CACNA1D: variants seen among roughly 807,000 people sequenced by gnomAD.
CACNA1D encodes voltage-dependent L-type calcium channel subunit alpha-1D.
In CACNA1D, 55 loss-of-function variants were observed where a neutral mutation model predicts 257.1. That is an observed-to-expected ratio of 0.21 (90% CI 0.17 to 0.27). The LOEUF is 0.27. Ranked by LOEUF, CACNA1D falls within the 10% of genes least tolerant of loss-of-function variation. The probability of loss-of-function intolerance (pLI) is 1.00; values close to 1 mark genes in which losing one functional copy is unlikely to be tolerated. For synonymous variants in CACNA1D, 980 were observed against 1,014.9 expected (o/e 0.97, Z 0.65); for missense variants, 1,876 against 2,784.0 (o/e 0.67, Z 7.34).
At position 53,775,940 on chromosome 3, in the gene CACNA1D, G is replaced by C. The variant is rs773003868; in HGVS notation, c.4257G>C (p.Lys1419Asn). The C allele has an allele frequency of 3.7e-6, 6 of 1,613,972 alleles. No homozygotes were observed. The highest frequency in any genetic ancestry group is 1.3e-5 in the African/African-American group (1 of 74,926). Residue 1419 changes from lysine (K) to asparagine (N), a missense_variant, in exon 35 of 48, where the codon AAG becomes AAC. Coordinates refer to ENST00000350061, the MANE Select transcript of CACNA1D (RefSeq NM_001128840.3). ...TCATGCTGGCCTGTCTCCCAGGGAA[G>C]CTCTGTGACCCTGAGTCAGATTACA... ...QEIMLACLPG[K>N]LCDPESDYNP...
chr3:53,620,214 G>A (rs1452256203), intron 3 of CACNA1D, among the ~76,000 whole-genome samples: 1 of 152,146 alleles, frequency 6.6e-6, no homozygotes, highest in Non-Finnish European at 1.5e-5. Context: ...GGAGGGGCCT[G>A]GAGGTGTGGG....
At chr3:53,645,802 T>C (rs2094012995) in intron 3 of CACNA1D, among the ~76,000 whole-genome samples, 1 of 152,204 alleles carries the variant, frequency 6.6e-6, no homozygotes, top group Admixed American at 6.5e-5. Flanking sequence ...TCATTTAAGC[T>C]GAGCCTTGAA....
chr3:53,637,087 T>G (rs1242387359), intron 3 of CACNA1D, among the ~76,000 whole-genome samples: 1 of 152,246 alleles, frequency 6.6e-6, no homozygotes, highest in African/African-American at 2.4e-5. Flanking sequence ...ATTTAAAGTT[T>G]CAGCTGATTT....
intron 22 of CACNA1D, 124 bp from the exon 23 acceptor site, chr3:53,744,616 C>G: frequency 2.6e-6 from 2 of 763,092 alleles, no homozygotes; most frequent in Non-Finnish European, 4.8e-6. Flanking sequence ...CAGCTCAGCA[C>G]CACATGGATC....
At position 53,718,791 on chromosome 3, in the gene CACNA1D, A is replaced by G. The variant is rs558165511; in HGVS notation, c.1478+403A>G. ...CCTGGGTTTGGCATTTGTGCTTTTG[A>G]AGAAGAGCTTCTGTGGCAGAGTTGC... On this transcript the variant is annotated intron_variant, in intron 10 of 47. Transcript: ENST00000350061. 2.1e-5 allele frequency: 31 copies of G among 1,455,562 alleles called. 1 individual carries two copies. The South Asian group carries it at 3.4e-4, about 16-fold the overall frequency. 90.2% of individuals were successfully genotyped at this position (1,455,562 alleles called of 1,614,324 possible).
At chr3:53,732,717 G>C in intron 18 of CACNA1D, 98 bp from the exon 19 acceptor site, 1 of 1,133,700 alleles carries the variant, frequency 8.8e-7, no homozygotes, top group Non-Finnish European at 1.3e-6. Flanking sequence ...GGTAGATGTT[G>C]TTAAAGTTTA....
chr3:53,575,550 A>G (rs1317941561), intron 3 of CACNA1D, among the ~76,000 whole-genome samples: 1 of 152,160 alleles, frequency 6.6e-6, no homozygotes, highest in Non-Finnish European at 1.5e-5. Flanking sequence ...AGATTTCTGA[A>G]TTCCCACACC....
At chr3:53,605,612 G>A (rs779768055) in intron 3 of CACNA1D, among the ~76,000 whole-genome samples, 4 of 152,222 alleles carry the variant, frequency 2.6e-5, no homozygotes, top group Non-Finnish European at 5.9e-5. Flanking sequence ...TAGTATTGTG[G>A]TGAACCAGAA....
intron 9 of CACNA1D, 40 bp downstream of exon 9, chr3:53,702,850 G>A (rs371998391): frequency 2.4e-5 from 38 of 1,611,748 alleles, no homozygotes; most frequent in Middle Eastern, 3.5e-4. Context: ...GACAGACCCA[G>A]TGTGCGGTTC....
At chr3:53,669,319 A>G (rs540272352) in intron 7 of CACNA1D, among the ~76,000 whole-genome samples, 3 of 152,396 alleles carry the variant, frequency 2.0e-5, no homozygotes, top group African/African-American at 7.2e-5. Context: ...CAGGCACTCA[A>G]TAAACACAAG....
At chr3:53,745,986 T>C (rs1029793435) in intron 25 of CACNA1D, 111 bp downstream of exon 25, 16 of 797,270 alleles carry the variant, frequency 2.0e-5, no homozygotes, top group Non-Finnish European at 3.5e-5. Flanking sequence ...AATAGGCCTG[T>C]GTGCTCAGCT....
At chr3:53,652,517 C>T (rs1447706312) in intron 4 of CACNA1D, among the ~76,000 whole-genome samples, 2 of 152,120 alleles carry the variant, frequency 1.3e-5, no homozygotes, top group Non-Finnish European at 2.9e-5. Flanking sequence ...CAGGAAAGAC[C>T]ACTACTAGGG....
intron 3 of CACNA1D, among the ~76,000 whole-genome samples, chr3:53,574,537 G>A (rs748540031): frequency 1.3e-5 from 2 of 152,102 alleles, no homozygotes; most frequent in Non-Finnish European, 2.9e-5. Flanking sequence ...GAAAGGCGGG[G>A]GCTTGTTTTC....
chr3:53,808,578 C>G, intron 45 of CACNA1D, 71 bp from the exon 46 acceptor site: 1 of 1,593,184 alleles, frequency 6.3e-7, no homozygotes, highest in Non-Finnish European at 8.5e-7. Flanking sequence ...CCGGGGCCAC[C>G]CTGACTCTGA....
chr3:53,604,538 G>A (rs2093483657), intron 3 of CACNA1D, among the ~76,000 whole-genome samples: 1 of 151,720 alleles, frequency 6.6e-6, no homozygotes, highest in South Asian at 2.1e-4. Context: ...ACTTCTCCCT[G>A]TAGCTCAGAA....
chr3:53,616,996 A>G (rs2093644284), intron 3 of CACNA1D, among the ~76,000 whole-genome samples: 2 of 152,022 alleles, frequency 1.3e-5, no homozygotes, highest in Admixed American at 6.5e-5. Flanking sequence ...TTGAACCTCT[A>G]TTCCCTCCTC....
At position 53,751,124 on chromosome 3, in the gene CACNA1D, C is replaced by T. The variant is rs1389695728; in HGVS notation, c.3517-625C>T. ...TTCTGAAATGAACACAACAAGCTCCCCAGCCCAGAAGCTCCCCGATGGACA... is the reference window on the plus strand; with the variant it reads ...TTCTGAAATGAACACAACAAGCTCCTCAGCCCAGAAGCTCCCCGATGGACA... On this transcript the variant is annotated intron_variant, in intron 27 of 47. Transcript: ENST00000350061. This position sits in a 1 kb window ranked among gnomAD's most constrained non-coding sequence, Gnocchi z 4.3. 1.3e-5 allele frequency among the ~76,000 whole-genome samples: 2 copies of T among 152,220 alleles called. No individual in the cohort carries two copies. Among genetic ancestry groups the T allele is most frequent in the African/African-American group, 4.8e-5 (2 of 41,452 alleles).
intron 45 of CACNA1D, chr3:53,808,051 G>C (rs185275549): frequency 6.4e-6 from 1 of 155,376 alleles, no homozygotes; most frequent in Non-Finnish European, 1.4e-5. Flanking sequence ...TTGCACTGAA[G>C]TGCTGTGCGC....
At chr3:53,753,740 C>T (rs931014712) in intron 29 of CACNA1D, 58 bp downstream of exon 29, 12 of 985,748 alleles carry the variant, frequency 1.2e-5, no homozygotes, top group African/African-American at 3.2e-5. Flanking sequence ...GAGAAGTACC[C>T]GCTTCCTGTT....
Sources: gnomAD v4.1 joint callset for allele counts (sites outside exome capture counted in the v4.1 genomes callset) on GRCh38, gnomAD v4.1.1 for gene constraint, Gnocchi (gnomAD v3.1) non-coding constraint, MANE v1.5 for transcripts, NCBI Gene and HGNC (gene_info 2026-07-23, HGNC 2026-07-21) for gene names.